Variants in SOCS2 observed in about 807,000 individuals in gnomAD.
SOCS2 encodes suppressor of cytokine signaling 2, also known as CIS-2.
In SOCS2, 10 loss-of-function variants were observed where a neutral mutation model predicts 18.6. The ratio of observed to expected loss-of-function variants is 0.54; its 90% CI spans 0.33 to 0.91. SOCS2 has a LOEUF of 0.91. SOCS2 is among the 40% of genes least tolerant of loss of function. The probability of loss-of-function intolerance (pLI) is 0.02; values close to 1 mark genes in which losing one functional copy is unlikely to be tolerated. For synonymous variants in SOCS2, 104 were observed against 104.0 expected (o/e 1.00, Z 0.00); for missense variants, 231 against 247.2 (o/e 0.93, Z 0.44).
chr12:93,585,678 C>T (rs548405089), downstream of SOCS2, among the ~76,000 whole-genome samples: 8 of 152,222 alleles, frequency 5.3e-5, no homozygotes, highest in East Asian at 1.5e-3. Flanking sequence ...TCGCCTTTGT[C>T]TTCCAAAAGT....
chr12:93,602,024 T>C, the SOCS2 span, among the ~76,000 whole-genome samples: 1 of 152,230 alleles, frequency 6.6e-6, no homozygotes, highest in Admixed American at 6.5e-5. Flanking sequence ...AAACACATTC[T>C]AGACATATTA....
the SOCS2 span, among the ~76,000 whole-genome samples, chr12:93,619,616 A>G: frequency 6.6e-6 from 1 of 152,216 alleles, no homozygotes; most frequent in Non-Finnish European, 1.5e-5. Flanking sequence ...ATCCTATGAG[A>G]TACCTTACTG....
At chr12:93,604,379 A>G in the SOCS2 span, among the ~76,000 whole-genome samples, 1 of 152,204 alleles carries the variant, frequency 6.6e-6, no homozygotes, top group Admixed American at 6.5e-5. Context: ...CAGACCAAGC[A>G]GAAATGATTC....
chr12:93,584,689 G>A (rs1271644794), downstream of SOCS2, among the ~76,000 whole-genome samples: 1 of 152,038 alleles, frequency 6.6e-6, no homozygotes, highest in Non-Finnish European at 1.5e-5. Context: ...GATTTCAGAA[G>A]TAATGCAAGA....
chr12:93,608,000 C>CT, the SOCS2 span, among the ~76,000 whole-genome samples: 31,990 of 124,424 alleles, frequency 0.26, 4,308 homozygotes, highest in Admixed American at 0.29. Flanking sequence ...GACTGTAAAT[C>CT]TTTTTTTTTT....
downstream of SOCS2, among the ~76,000 whole-genome samples, chr12:93,580,280 T>C (rs866905744): frequency 6.6e-6 from 1 of 152,316 alleles, no homozygotes; most frequent in Middle Eastern, 3.4e-3. Context: ...TCCTTTTTCC[T>C]GTTTAGTGTT....
the SOCS2 span, among the ~76,000 whole-genome samples, chr12:93,611,079 C>A: frequency 6.6e-6 from 1 of 151,946 alleles, no homozygotes; most frequent in African/African-American, 2.4e-5. Context: ...TGTCCTAGTC[C>A]CCCTAGTTTC....
At chr12:93,591,062 A>C in the SOCS2 span, among the ~76,000 whole-genome samples, 1 of 151,638 alleles carries the variant, frequency 6.6e-6, no homozygotes, top group East Asian at 1.9e-4. Flanking sequence ...AAAATGACTA[A>C]TTTTTTTTAA....
In SOCS2 at chr12:93,574,878, A is replaced by G; in HGVS notation, c.296A>G (p.Tyr99Cys). The change falls in exon 2 of 2, where the codon TAC (tyrosine) becomes TGC (cysteine). Residue 99 changes from tyrosine (Y) to cysteine (C), a missense_variant. By Grantham distance (194) the Tyr-to-Cys change is radical. Transcript: ENST00000551556. ...SAGPTNLRIE[Y>C]QDGKFRLDSI... ...GGACCAACTAATCTTCGAATCGAAT[A>G]CCAAGACGGAAAATTCAGATTGGAC... The G allele has an allele frequency of 6.2e-7, 1 of 1,614,236 alleles. No individual in the cohort carries two copies. Among genetic ancestry groups the G allele is most frequent in the South Asian group, 1.1e-5 (1 of 91,086 alleles).
intron 1 of SOCS2, chr12:93,573,477 A>G (rs1215968928): frequency 6.3e-6 from 2 of 319,478 alleles, no homozygotes; most frequent in Non-Finnish European, 1.1e-5. Flanking sequence ...TTGGCGGCCA[A>G]GTTCAGGGAC....
chr12:93,583,923 G>A (rs927201340), downstream of SOCS2, among the ~76,000 whole-genome samples: 4 of 152,134 alleles, frequency 2.6e-5, no homozygotes, highest in South Asian at 2.1e-4. Context: ...TAATAGTGTC[G>A]AAAGACAAAA....
At chr12:93,585,290 T>C (rs1440141297), downstream of SOCS2, among the ~76,000 whole-genome samples, 2 of 152,166 alleles carry the variant, frequency 1.3e-5, no homozygotes, top group African/African-American at 4.8e-5. Context: ...AGGGAGGCTC[T>C]TTTAGCCACT....
At position 93,573,038 on chromosome 12, in the gene SOCS2, T is replaced by TAGGG; in HGVS notation, c.139+5_139+8dup. 1 of 1,562,174 alleles carries TAGGG rather than the reference T, an allele frequency of 6.4e-7. No individual in the cohort carries two copies. Among genetic ancestry groups the TAGGG allele is most frequent in the Non-Finnish European group, 8.6e-7 (1 of 1,159,054 alleles). On this transcript the variant is annotated splice_region_variant and intron_variant, in intron 1 of 1. Coordinates refer to ENST00000551556, the MANE Select transcript of SOCS2 (RefSeq NM_001270471.2). The stretch of plus-strand genomic sequence containing the variant: ...CCCTGCGGGAGCTCGGTCAGACAGG[T>TAGGG]AGGGAGCCGATCGGCCGCGACGCGT...
downstream of SOCS2, among the ~76,000 whole-genome samples, chr12:93,580,337 G>A (rs1954520928): frequency 6.6e-6 from 1 of 152,070 alleles, no homozygotes; most frequent in Non-Finnish European, 1.5e-5. Flanking sequence ...AAAAATCCAT[G>A]TTAGCCAGGC....
intron 1 of SOCS2, 158 bp from the exon 2 acceptor site, chr12:93,574,564 A>G (rs1031569659): frequency 1.4e-5 from 7 of 482,842 alleles, no homozygotes; most frequent in African/African-American, 2.0e-5. Context: ...TACTGAAAGT[A>G]TTTGTGGTGG....
At chr12:93,579,295 G>C (rs568617222), downstream of SOCS2, among the ~76,000 whole-genome samples, 1 of 152,196 alleles carries the variant, frequency 6.6e-6, no homozygotes, top group Non-Finnish European at 1.5e-5. Flanking sequence ...CTGGCCGCAT[G>C]ATACTCCAGT....
Position 93,572,700 on chromosome 12 carries a change from C to T in SOCS2, c.-198C>T. On this transcript the variant is annotated 5_prime_UTR_variant, in exon 1 of 2. Transcript: ENST00000551556. This position sits in a 1 kb window ranked among gnomAD's most constrained non-coding sequence, Gnocchi z 5.0. ...CTCTTTGTAGGCGATCAGTGGGTGA[C>T]CGCGGCTGCGAGGGACTTTGTCATC... 1 of 774,128 alleles carries T rather than the reference C, an allele frequency of 1.3e-6. No individual in the cohort carries two copies. Among genetic ancestry groups the T allele is most frequent in the Non-Finnish European group, 2.2e-6 (1 of 451,542 alleles). 48.0% of individuals were successfully genotyped at this position (774,128 alleles called of 1,614,324 possible). A position where few individuals can be genotyped will look rare whatever the true frequency, so the allele number is the denominator to read the frequency against.
upstream of SOCS2, chr12:93,570,630 T>C (rs41361945): frequency 0.023 from 3,554 of 152,268 alleles, 50 homozygotes; most frequent in African/African-American, 0.027. Flanking sequence ...CAAGGATCGC[T>C]ATCCTTCCCT....
rs568757164 is a variant in SOCS2, at chr12:93,572,701, C to G, written c.-197C>G. 2.7e-5 allele frequency: 21 copies of G among 779,458 alleles called. No individual in the cohort carries two copies. The highest frequency in any genetic ancestry group is 6.0e-5 in the Admixed American group (3 of 50,040). 48.3% of individuals were successfully genotyped at this position (779,458 alleles called of 1,614,324 possible). ...TCTTTGTAGGCGATCAGTGGGTGAC[C>G]GCGGCTGCGAGGGACTTTGTCATCC... On this transcript the variant is annotated 5_prime_UTR_variant, in exon 1 of 2. Transcript: ENST00000551556. This position sits in a 1 kb window ranked among gnomAD's most constrained non-coding sequence, Gnocchi z 5.0.
Sources: gnomAD v4.1 joint callset for allele counts (sites outside exome capture counted in the v4.1 genomes callset) on GRCh38, gnomAD v4.1.1 for gene constraint, Gnocchi (gnomAD v3.1) non-coding constraint, MANE v1.5 for transcripts, NCBI Gene and HGNC (gene_info 2026-07-23, HGNC 2026-07-21) for gene names.